SEC24C: variants seen among roughly 807,000 people sequenced by gnomAD.
The protein encoded by SEC24C is protein transport protein Sec24C.
Under a neutral mutation model 117.0 loss-of-function variants are expected in SEC24C, and 22 were observed. The ratio of observed to expected loss-of-function variants is 0.19; its 90% CI spans 0.13 to 0.27. The LOEUF is 0.27. Ranked by LOEUF, SEC24C falls within the 10% of genes least tolerant of loss-of-function variation. The pLI is 1.00. For synonymous variants in SEC24C, 506 were observed against 529.4 expected (o/e 0.96, Z 0.61); for missense variants, 1,155 against 1,375.1 (o/e 0.84, Z 2.53).
chr10:73,747,471 C>T (rs926727420), intron 2 of SEC24C, among the ~76,000 whole-genome samples: 4 of 152,080 alleles, frequency 2.6e-5, no homozygotes, highest in Non-Finnish European at 5.9e-5. Flanking sequence ...TCTGCCTCAG[C>T]CTCCTGAGTA....
rs1016306041 is a variant in SEC24C, at chr10:73,767,186, A to G, written c.2010+16A>G. ...CAAGGAGAAGGTGTGGGACTGGAAA[A>G]TGGGGGAGGGGAAGGATTTTTCATT... is the stretch of plus-strand genomic sequence containing the variant. On this transcript the variant is annotated intron_variant, in intron 14 of 22. Coordinates refer to ENST00000345254, the MANE Select transcript of SEC24C (RefSeq NM_198597.3). The G allele has an allele frequency of 3.2e-6, 5 of 1,550,214 alleles. No homozygotes were observed. The highest frequency in any genetic ancestry group is 4.5e-5 in the East Asian group (2 of 44,576).
At chr10:73,766,930 C>T in intron 13 of SEC24C, 77 bp downstream of exon 13, 1 of 1,447,522 alleles carries the variant, frequency 6.9e-7, no homozygotes, top group South Asian at 1.1e-5. Context: ...TACAACCTCT[C>T]TTTCTTCAGT....
Position 73,767,865 on chromosome 10 carries a change from A to G in SEC24C, c.2039A>G (p.Tyr680Cys), listed in dbSNP as rs142679640. ...KTLFQPQTGAYQTLAKECVAQ... is the reference protein window; with the variant it reads ...KTLFQPQTGACQTLAKECVAQ... ...CTGTTCCAGCCTCAGACAGGTGCCT[A>G]TCAGACCCTGGCCAAAGAGTGTGTG... Residue 680 changes from tyrosine to cysteine, a missense_variant, in exon 15 of 23, where the codon TAT becomes TGT. Tyr to Cys is a radical substitution (Grantham distance 194). Transcript: ENST00000345254. 29 of 1,613,008 alleles carry G rather than the reference A, an allele frequency of 1.8e-5. No individual in the cohort carries two copies. Among genetic ancestry groups the G allele is most frequent in the African/African-American group, 9.3e-5 (7 of 74,974 alleles).
Position 73,766,740 on chromosome 10 carries a change from T to C in SEC24C, c.1800-20T>C, listed in dbSNP as rs754355063. The C allele has an allele frequency of 1.9e-6, 3 of 1,610,632 alleles. No homozygotes were observed. The highest frequency in any genetic ancestry group is 2.5e-6 in the Non-Finnish European group (3 of 1,177,030). Reference sequence around the variant, plus strand: ...ATCTGTATAGCAATTTTGGTTGTTTTCCGTCACCTATCTCTTTAGCTTATT... The same window carrying C: ...ATCTGTATAGCAATTTTGGTTGTTTCCCGTCACCTATCTCTTTAGCTTATT... On this transcript the variant is annotated intron_variant, in intron 12 of 22. Coordinates refer to ENST00000345254, the MANE Select transcript of SEC24C (RefSeq NM_198597.3).
intron 6 of SEC24C, among the ~76,000 whole-genome samples, chr10:73,762,878 G>A (rs953856472): frequency 6.6e-6 from 1 of 152,156 alleles, no homozygotes; most frequent in African/African-American, 2.4e-5. Context: ...TGAGCTATAA[G>A]GATTGGGTAC....
chr10:73,747,630 G>A (rs532235070), intron 2 of SEC24C, among the ~76,000 whole-genome samples: 1 of 150,642 alleles, frequency 6.6e-6, no homozygotes, highest in East Asian at 2.0e-4. Flanking sequence ...GGGATTATAG[G>A]CGTGAGCTAC....
intron 7 of SEC24C, 69 bp downstream of exon 7, chr10:73,763,670 T>A: frequency 5.2e-5 from 22 of 425,464 alleles, no homozygotes; most frequent in Middle Eastern, 7.3e-4. Flanking sequence ...GTTGGGGCTT[T>A]TTTTTTTTTT....
In SEC24C at chr10:73,769,836, T is replaced by C. The variant is rs75125356; in HGVS notation, c.2683T>C (p.Leu895=). ...NCASPSSAGQ[L]ILPECMKLLP... ...GACTTTATTTTGATAATCCCCTCAGTTGATCCTTCCTGAGTGCATGAAGCT... is the reference window on the plus strand; with the variant it reads ...GACTTTATTTTGATAATCCCCTCAGCTGATCCTTCCTGAGTGCATGAAGCT... Residue 895 remains leucine, a splice_region_variant and synonymous_variant, in exon 20 of 23, where the codon TTG becomes CTG. Coordinates refer to ENST00000345254, the MANE Select transcript of SEC24C (RefSeq NM_198597.3). This position sits in a 1 kb window ranked among gnomAD's most constrained non-coding sequence, Gnocchi z 4.5. 143 of 1,614,044 alleles carry C rather than the reference T, an allele frequency of 8.9e-5. No individual in the cohort carries two copies. The East Asian group carries it at 2.8e-3, about 31-fold the overall frequency.
At position 73,769,389 on chromosome 10, in the gene SEC24C, C is replaced by G. The variant is rs201679132; in HGVS notation, c.2467C>G (p.Arg823Gly). Residue 823 changes from arginine (R) to glycine (G), a missense_variant, in exon 18 of 23, where the codon CGC becomes GGC. Transcript: ENST00000345254. This position sits in a 1 kb window ranked among gnomAD's most constrained non-coding sequence, Gnocchi z 4.5. ...YTSCAGQRRL[R>G]IHNLALNCCT... Reference sequence around the variant, plus strand: ...CAGCTGTGCAGGGCAGCGTCGGCTCCGCATCCATAATCTGGCCCTGAACTG... The same window carrying G: ...CAGCTGTGCAGGGCAGCGTCGGCTCGGCATCCATAATCTGGCCCTGAACTG... The G allele has an allele frequency of 2.5e-6, 4 of 1,614,092 alleles. No individual in the cohort carries two copies. In the East Asian group the frequency reaches 8.9e-5, roughly 36 times the overall value.
Position 73,765,860 on chromosome 10 carries a change from G to T in SEC24C, c.1427G>T (p.Arg476Leu), listed in dbSNP as rs761442412. Residue 476 changes from arginine (R) to leucine (L), a missense_variant, in exon 10 of 23, where the codon CGC (arginine) becomes CTC (leucine). By Grantham distance (102) the Arg-to-Leu change is moderately radical (BLOSUM62 -2). Coordinates refer to ENST00000345254, the MANE Select transcript of SEC24C (RefSeq NM_198597.3). ...HTGKRVDAYDRPELSLGSYEF... is the reference protein window; with the variant it reads ...HTGKRVDAYDLPELSLGSYEF... ...GGCAAACGTGTGGATGCTTATGACC[G>T]CCCTGAGCTATCCCTGGGCTCTTAT... is the stretch of plus-strand genomic sequence containing the variant. The T allele has an allele frequency of 6.2e-7, 1 of 1,614,118 alleles. No individual in the cohort carries two copies. Among genetic ancestry groups the T allele is most frequent in the Non-Finnish European group, 8.5e-7 (1 of 1,180,006 alleles).
At chr10:73,765,408 G>A (rs2082867060) in intron 8 of SEC24C, 43 bp from the exon 9 acceptor site, 4 of 1,590,250 alleles carry the variant, frequency 2.5e-6, no homozygotes, top group Non-Finnish European at 2.6e-6. Flanking sequence ...TGAACCTACT[G>A]TGGTTTTCCT....
chr10:73,747,939 G>A (rs962318774), intron 2 of SEC24C, among the ~76,000 whole-genome samples: 2 of 150,824 alleles, frequency 1.3e-5, no homozygotes, highest in African/African-American at 2.4e-5. Context: ...GATTACAGGC[G>A]TGAGCCACCA....
In SEC24C at chr10:73,769,413, T is replaced by G. The variant is rs1293761869; in HGVS notation, c.2491T>G (p.Cys831Gly). The change falls in exon 18 of 23, where the codon TGC becomes GGC. Residue 831 changes from cysteine to glycine, a missense_variant. By Grantham distance (159) the Cys-to-Gly change is radical (BLOSUM62 -3). Coordinates refer to ENST00000345254, the MANE Select transcript of SEC24C (RefSeq NM_198597.3). The surrounding 1 kb of genome is among the most constrained non-coding windows in gnomAD (Gnocchi z 4.5). Reference protein sequence around the residue: ...RLRIHNLALNCCTQLADLYRN... With the variant: ...RLRIHNLALNGCTQLADLYRN... ...CCGCATCCATAATCTGGCCCTGAAC[T>G]GCTGCACCCAGCTGGCTGATCTATA... is the stretch of plus-strand genomic sequence containing the variant. The G allele has an allele frequency of 1.9e-6, 3 of 1,614,050 alleles. No individual in the cohort carries two copies. Among genetic ancestry groups the G allele is most frequent in the Non-Finnish European group, 2.5e-6 (3 of 1,180,038 alleles).
chr10:73,769,065 G>C lies in SEC24C; in HGVS notation c.2337G>C (p.Glu779Asp). ...AFYMSNTTDV[E>D]LAGLDGDKTV... ...ACATGAGCAACACGACAGATGTGGAGCTGGCTGGGCTAGATGGGGACAAAA... is the reference window on the plus strand; with the variant it reads ...ACATGAGCAACACGACAGATGTGGACCTGGCTGGGCTAGATGGGGACAAAA... Residue 779 changes from glutamate to aspartate, a missense_variant, in exon 17 of 23, where the codon GAG becomes GAC. This residue lies in a region of SEC24C where 759 missense variants were observed against 992.3 expected (regional missense o/e 0.76). Transcript: ENST00000345254. The surrounding 1 kb of genome is among the most constrained non-coding windows in gnomAD (Gnocchi z 4.5). 1 of 1,614,276 alleles carries C rather than the reference G, an allele frequency of 6.2e-7. No individual in the cohort carries two copies. Among genetic ancestry groups the C allele is most frequent in the Non-Finnish European group, 8.5e-7 (1 of 1,180,060 alleles).
chr10:73,754,241 C>T (rs921921575), intron 3 of SEC24C, among the ~76,000 whole-genome samples: 4 of 151,946 alleles, frequency 2.6e-5, no homozygotes, highest in African/African-American at 9.7e-5. Context: ...ATGGTGAAAC[C>T]CCATCTCTAC....
intron 2 of SEC24C, among the ~76,000 whole-genome samples, chr10:73,750,360 A>T (rs1464760969): frequency 6.6e-6 from 1 of 152,182 alleles, no homozygotes; most frequent in Non-Finnish European, 1.5e-5. Flanking sequence ...CCAAGTAACT[A>T]ATTGCTTTCT....
At chr10:73,768,759 C>T (rs773083107) in intron 15 of SEC24C, 51 bp from the exon 16 acceptor site, 9 of 1,569,318 alleles carry the variant, frequency 5.7e-6, no homozygotes, top group Admixed American at 1.7e-5. Context: ...ATTGTCTGCA[C>T]GATGAGCTAT....
chr10:73,748,142 T>G (rs1417240865), intron 2 of SEC24C, among the ~76,000 whole-genome samples: 1 of 151,772 alleles, frequency 6.6e-6, no homozygotes, highest in Non-Finnish European at 1.5e-5. Flanking sequence ...TATTTATTTA[T>G]TTATTTATTT....
In SEC24C at chr10:73,760,785, G is replaced by C; in HGVS notation, c.923G>C (p.Ser308Thr). 6.2e-7 allele frequency: 1 copy of C among 1,614,150 alleles called. No homozygotes were observed. Among genetic ancestry groups the C allele is most frequent in the Non-Finnish European group, 8.5e-7 (1 of 1,180,024 alleles). The change falls in exon 6 of 23, where the codon AGT becomes ACT. Residue 308 changes from serine to threonine, a missense_variant. Ser to Thr is a moderately conservative substitution (Grantham distance 58). Transcript: ENST00000345254. Reference sequence around the variant, plus strand: ...TACCCAGCAGCACCCACCTTTGGCAGTCAGCCTGGGCCTCCTCAGCCACTG... The same window carrying C: ...TACCCAGCAGCACCCACCTTTGGCACTCAGCCTGGGCCTCCTCAGCCACTG... ...GPYPAAPTFG[S>T]QPGPPQPLPP...
Sources: gnomAD v4.1 joint callset for allele counts (sites outside exome capture counted in the v4.1 genomes callset) on GRCh38, gnomAD v4.1.1 for gene constraint, gnomAD v4.1.1 regional missense constraint, Gnocchi (gnomAD v3.1) non-coding constraint, MANE v1.5 for transcripts, NCBI Gene and HGNC (gene_info 2026-07-23, HGNC 2026-07-21) for gene names.